PDE4D: variants seen among roughly 807,000 people sequenced by gnomAD.
PDE4D encodes the protein 3',5'-cyclic-AMP phosphodiesterase 4D.
In PDE4D, 24 loss-of-function variants were observed where a neutral mutation model predicts 87.4. The ratio of observed to expected loss-of-function variants is 0.27; its 90% confidence interval spans 0.20 to 0.39. PDE4D has a LOEUF of 0.39. Ranked by LOEUF, PDE4D falls within the 10% of genes least tolerant of loss-of-function variation. PDE4D has a pLI of 1.00. For synonymous variants in PDE4D, 384 were observed against 383.2 expected (o/e 1.00, Z -0.02); for missense variants, 714 against 1,041.0 (o/e 0.69, Z 4.32).
At position 60,390,057 on chromosome 5, in the gene PDE4D, C is replaced by T. The variant is rs549593903; in HGVS notation, c.-90+97885G>A. Among the ~76,000 whole-genome samples the T allele has an allele frequency of 7.9e-5, 12 of 152,292 alleles. No homozygotes were observed. The East Asian group carries it at 1.2e-3, about 15-fold the overall frequency. ...AGCATCCCTCCTATTTCCCACTTCC[C>T]GGGGCAAGTGTGTGGCTGTTGCAGC... is the stretch of plus-strand genomic sequence containing the variant. On this transcript the variant is annotated intron_variant, in intron 1 of 16. Coordinates refer to the PDE4D transcript ENST00000502484.
intron 1 of PDE4D, among the ~76,000 whole-genome samples, chr5:59,866,894 A>T (rs1479165583): frequency 6.6e-6 from 1 of 152,200 alleles, no homozygotes; most frequent in African/African-American, 2.4e-5. Context: ...GATTTGTTAG[A>T]CTAAGCCTTC....
At chr5:59,187,366 A>G (rs1276332920) in intron 3 of PDE4D, among the ~76,000 whole-genome samples, 2 of 152,108 alleles carry the variant, frequency 1.3e-5, no homozygotes, top group Non-Finnish European at 2.9e-5. Context: ...AAAGAGTATA[A>G]AGCAAAAAGT....
rs925920060 is a variant in PDE4D, at chr5:59,375,497, G to A, written c.456-159529C>T. Reference sequence around the variant, plus strand: ...CCCAAGACTGAATCAGGAAGAAGCTGAATCCCTGAATGGACTAATAAAAAG... The same window carrying A: ...CCCAAGACTGAATCAGGAAGAAGCTAAATCCCTGAATGGACTAATAAAAAG... On this transcript the variant is annotated intron_variant, in intron 1 of 14. Transcript: ENST00000340635. 1.1e-4 allele frequency among the ~76,000 whole-genome samples: 17 copies of A among 152,242 alleles called. 1 individual carries two copies. Among genetic ancestry groups the A allele is most frequent in the Admixed American group, 9.2e-4 (14 of 15,288 alleles).
chr5:59,079,816 CAAGGA>C (rs1229191925), intron 5 of PDE4D, among the ~76,000 whole-genome samples: 2 of 122,498 alleles, frequency 1.6e-5, no homozygotes, highest in Admixed American at 1.0e-4. Context: ...TACCCAGTGT[CAAGGA>C]AAGGAAAGGA....
chr5:59,705,247 C>T (rs113541007), intron 1 of PDE4D, among the ~76,000 whole-genome samples: 1 of 152,142 alleles, frequency 6.6e-6, no homozygotes, highest in Non-Finnish European at 1.5e-5. Context: ...TAGGTCCTCC[C>T]CTTCCTTAAT....
intron 1 of PDE4D, among the ~76,000 whole-genome samples, chr5:59,343,342 C>G (rs1779082241): frequency 6.6e-6 from 1 of 152,154 alleles, no homozygotes; most frequent in Admixed American, 6.5e-5. Context: ...CCATCACCCC[C>G]TGGTAACCCC....
At chr5:60,290,116 A>G (rs544416673) in intron 1 of PDE4D, among the ~76,000 whole-genome samples, 1 of 152,342 alleles carries the variant, frequency 6.6e-6, no homozygotes, top group East Asian at 1.9e-4. Flanking sequence ...AGTAAAATCT[A>G]TACATGCATA....
intron 1 of PDE4D, among the ~76,000 whole-genome samples, chr5:59,606,415 T>C (rs1828207853): frequency 6.6e-6 from 1 of 152,110 alleles, no homozygotes; most frequent in Admixed American, 6.6e-5. Flanking sequence ...CATTGAGACT[T>C]AGACAAGTTA....
At chr5:59,854,201 T>C (rs1439794812) in intron 1 of PDE4D, among the ~76,000 whole-genome samples, 4 of 152,130 alleles carry the variant, frequency 2.6e-5, no homozygotes, top group Non-Finnish European at 5.9e-5. Context: ...AGAAATCTGA[T>C]AGACTGGAGA....
At chr5:59,332,893 T>G (rs539244556) in intron 1 of PDE4D, among the ~76,000 whole-genome samples, 16 of 152,292 alleles carry the variant, frequency 1.1e-4, no homozygotes, top group Admixed American at 9.8e-4. Context: ...CAGTAGCCAT[T>G]TGCCATCAAG....
chr5:59,084,862 C>A (rs1257265519), intron 5 of PDE4D, among the ~76,000 whole-genome samples: 1 of 151,996 alleles, frequency 6.6e-6, no homozygotes, highest in African/African-American at 2.4e-5. Flanking sequence ...TAAATTAATT[C>A]TTATTAAAAC....
chr5:59,009,051 A>G (rs1752238109), intron 6 of PDE4D, among the ~76,000 whole-genome samples: 1 of 152,136 alleles, frequency 6.6e-6, no homozygotes, highest in Non-Finnish European at 1.5e-5. Flanking sequence ...TAGAATGTAT[A>G]AAATACAAAA....
intron 2 of PDE4D, among the ~76,000 whole-genome samples, chr5:59,991,026 A>G (rs768105992): frequency 1.3e-5 from 2 of 152,218 alleles, no homozygotes; most frequent in Non-Finnish European, 2.9e-5. Context: ...GAGTATTAGT[A>G]GAAAATAACA....
intron 1 of PDE4D, among the ~76,000 whole-genome samples, chr5:60,337,491 G>A (rs981925222): frequency 6.7e-6 from 1 of 150,278 alleles, no homozygotes; most frequent in Non-Finnish European, 1.5e-5. Flanking sequence ...AGCTTTTGAG[G>A]GGAGGTGATC....
At chr5:60,290,608 A>G (rs1450574827) in intron 1 of PDE4D, among the ~76,000 whole-genome samples, 1 of 152,144 alleles carries the variant, frequency 6.6e-6, no homozygotes, top group Non-Finnish European at 1.5e-5. Flanking sequence ...GTTTGAGACC[A>G]GCCTGGGCAA....
chr5:59,455,457 C>G (rs1799772834), intron 1 of PDE4D, among the ~76,000 whole-genome samples: 2 of 152,228 alleles, frequency 1.3e-5, no homozygotes, highest in Admixed American at 6.5e-5. Context: ...GTTTGGGAAC[C>G]TCTGCCTAGA....
intron 1 of PDE4D, among the ~76,000 whole-genome samples, chr5:60,261,901 C>T (rs1749681390): frequency 6.6e-6 from 1 of 152,130 alleles, no homozygotes; most frequent in South Asian, 2.1e-4. Flanking sequence ...ATCATATTGA[C>T]CAGAGGAAGT....
chr5:59,465,808 G>C (rs1801503546), intron 1 of PDE4D, among the ~76,000 whole-genome samples: 1 of 152,140 alleles, frequency 6.6e-6, no homozygotes, highest in Non-Finnish European at 1.5e-5. Context: ...ACATGACTGG[G>C]CTAACTGCTT....
chr5:59,706,683 T>C (rs1753452957), intron 1 of PDE4D, among the ~76,000 whole-genome samples: 1 of 152,170 alleles, frequency 6.6e-6, no homozygotes, highest in Admixed American at 6.6e-5. Flanking sequence ...CCTTTGCTTA[T>C]AGGACATAAC....
Sources: allele counts gnomAD v4.1 joint callset (sites outside exome capture counted in the v4.1 genomes callset), GRCh38; gene constraint gnomAD v4.1.1; transcripts MANE v1.5; gene names NCBI Gene and HGNC (gene_info 2026-07-23, HGNC 2026-07-21).